FOXP1: variants seen among roughly 807,000 people sequenced by gnomAD.
FOXP1 encodes the protein forkhead box P1.
A neutral mutation model predicts 98.2 loss-of-function variants in FOXP1; 15 were observed. The ratio of observed to expected loss-of-function variants is 0.15; its 90% CI spans 0.10 to 0.24. The LOEUF (loss-of-function observed/expected upper bound fraction) is 0.24, where lower values mean the gene tolerates loss of function less well. Ranked by LOEUF, FOXP1 falls within the 10% of genes least tolerant of loss-of-function variation. The pLI, the probability that FOXP1 is intolerant of heterozygous loss-of-function variation, is 1.00. For missense variants in FOXP1, 633 were observed against 848.5 expected, an observed-to-expected ratio of 0.75 and a Z score of 3.15; for synonymous variants, 371 against 314.5, an observed-to-expected ratio of 1.18 and a Z score of -1.90.
intron 4 of FOXP1, among the ~76,000 whole-genome samples, chr3:71,338,560 T>A (rs2076824202): frequency 6.6e-6 from 1 of 152,164 alleles, no homozygotes; most frequent in Admixed American, 6.5e-5. Flanking sequence ...CCCAAGTAGC[T>A]GGGACTACAG....
intron 3 of FOXP1, among the ~76,000 whole-genome samples, chr3:71,371,904 C>T (rs899071702): frequency 3.9e-5 from 6 of 152,186 alleles, no homozygotes; most frequent in African/African-American, 1.4e-4. Context: ...TGACCCCACA[C>T]CACACTCGGC....
intron 5 of FOXP1, among the ~76,000 whole-genome samples, chr3:71,257,245 A>G (rs948783491): frequency 3.3e-5 from 5 of 152,146 alleles, no homozygotes; most frequent in Admixed American, 3.3e-4. Flanking sequence ...GAATATTCTT[A>G]CTAGTTCTTT....
At chr3:71,025,376 G>T (rs535907111) in intron 11 of FOXP1, among the ~76,000 whole-genome samples, 1 of 152,310 alleles carries the variant, frequency 6.6e-6, no homozygotes, top group African/African-American at 2.4e-5. Flanking sequence ...CCCCAGAGCT[G>T]CTGGGCCATG....
chr3:71,456,532 T>C (rs753978588), intron 3 of FOXP1, among the ~76,000 whole-genome samples: 9 of 152,150 alleles, frequency 5.9e-5, no homozygotes, highest in Non-Finnish European at 1.2e-4. Flanking sequence ...CTTCCTTTTC[T>C]CTCCTAGAGA....
At chr3:71,441,661 G>A (rs999914433) in intron 3 of FOXP1, among the ~76,000 whole-genome samples, 1 of 152,192 alleles carries the variant, frequency 6.6e-6, no homozygotes. Flanking sequence ...CAGTCCTAAA[G>A]ACCTCCAGGG....
At chr3:71,531,624 G>A (rs1437390360) in intron 2 of FOXP1, among the ~76,000 whole-genome samples, 1 of 151,740 alleles carries the variant, frequency 6.6e-6, no homozygotes, top group Non-Finnish European at 1.5e-5. Context: ...TCTTTTTTTT[G>A]TTTTGCTTCC....
chr3:71,389,772 G>A (rs2080896184), intron 3 of FOXP1, among the ~76,000 whole-genome samples: 3 of 151,652 alleles, frequency 2.0e-5, no homozygotes, highest in Non-Finnish European at 2.9e-5. Flanking sequence ...AATAATTGTG[G>A]ATTTTTAATT....
intron 9 of FOXP1, among the ~76,000 whole-genome samples, chr3:71,048,862 GT>G (rs2049418972): frequency 6.6e-6 from 1 of 152,038 alleles, no homozygotes; most frequent in Non-Finnish European, 1.5e-5. Flanking sequence ...TAAATGAAAT[GT>G]TTAAAAATTT....
chr3:71,317,630 T>C (rs2075153881), intron 4 of FOXP1, among the ~76,000 whole-genome samples: 1 of 152,166 alleles, frequency 6.6e-6, no homozygotes, highest in South Asian at 2.1e-4. Context: ...AAAACACAGA[T>C]GCTAGGCCCC....
In FOXP1 at chr3:71,578,075, GA is replaced by G. The variant is rs202194146; in HGVS notation, c.-298+3473del. Among the ~76,000 whole-genome samples, 200 of 147,796 alleles carry G rather than the reference GA, an allele frequency of 1.4e-3. 2 individuals are homozygous for G. The highest frequency in any genetic ancestry group is 4.1e-3 in the African/African-American group (166 of 40,300). ...AGAAAGGAAAAGCCCTTAGCAAAAA[GA>G]AAAAAAAAATTAAAAACAAAAATAC... is the stretch of plus-strand genomic sequence containing the variant. On this transcript the variant is annotated intron_variant, in intron 2 of 20. Coordinates refer to ENST00000649528, the MANE Select transcript of FOXP1 (RefSeq NM_001349338.3).
intron 3 of FOXP1, among the ~76,000 whole-genome samples, chr3:71,451,655 C>T (rs2086970950): frequency 6.6e-6 from 1 of 152,076 alleles, no homozygotes; most frequent in Admixed American, 6.6e-5. Context: ...TAGTCAAATG[C>T]TTCGATAGGC....
chr3:71,401,059 C>G (rs1009044811), intron 3 of FOXP1, among the ~76,000 whole-genome samples: 7 of 152,104 alleles, frequency 4.6e-5, no homozygotes, highest in African/African-American at 1.7e-4. Flanking sequence ...GTCTCCTCCA[C>G]CCCCACTCAA....
chr3:71,309,392 A>AT (rs539420592), intron 4 of FOXP1, among the ~76,000 whole-genome samples: 31,497 of 147,572 alleles, frequency 0.21, 3,413 homozygotes, highest in African/African-American at 0.24. Context: ...TTATAACGTA[A>AT]TTTTTTTTTT....
chr3:71,425,154 T>G (rs1465045262), intron 3 of FOXP1, among the ~76,000 whole-genome samples: 2 of 152,140 alleles, frequency 1.3e-5, no homozygotes, highest in African/African-American at 2.4e-5. Context: ...CTCACTGTGC[T>G]GCCCAGGCTG....
intron 14 of FOXP1, among the ~76,000 whole-genome samples, 155 bp from the exon 15 acceptor site, chr3:70,978,184 C>G (rs1383563703): frequency 6.6e-6 from 1 of 152,174 alleles, no homozygotes; most frequent in East Asian, 1.9e-4. Context: ...ACGGTGAGTC[C>G]TGCGTGAATT....
In FOXP1 at chr3:71,286,774, C is replaced by T. The variant is rs74513393; in HGVS notation, c.-12+13046G>A. On this transcript the variant is annotated intron_variant, in intron 5 of 20. Coordinates refer to ENST00000649528, the MANE Select transcript of FOXP1 (RefSeq NM_001349338.3). Reference sequence around the variant, plus strand: ...GTTGTCATCAAAGTTGATACAAACTCTACCTCATGCTATCACAGAAAACAC... The same window carrying T: ...GTTGTCATCAAAGTTGATACAAACTTTACCTCATGCTATCACAGAAAACAC... Among the ~76,000 whole-genome samples the T allele has an allele frequency of 1.0e-2, 1,519 of 152,276 alleles. 29 individuals are homozygous for T. The highest frequency in any genetic ancestry group is 0.034 in the African/African-American group (1,422 of 41,544).
Position 71,191,518 on chromosome 3 carries a change from T to C in FOXP1, c.180+6684A>G, listed in dbSNP as rs754929101. Among the ~76,000 whole-genome samples, 58 of 152,232 alleles carry C rather than the reference T, an allele frequency of 3.8e-4. 1 individual carries two copies. The highest frequency in any genetic ancestry group is 2.0e-4 in the Admixed American group (3 of 15,282). On this transcript the variant is annotated intron_variant, in intron 6 of 20. Coordinates refer to ENST00000649528, the MANE Select transcript of FOXP1 (RefSeq NM_001349338.3). ...CTCCTCTGTTACAGGTCTTTTTTCT[T>C]CTTTTGCTTCTTGTGCCATTTTAAT... is the stretch of plus-strand genomic sequence containing the variant.
intron 3 of FOXP1, among the ~76,000 whole-genome samples, chr3:71,371,350 G>A (rs904628680): frequency 6.6e-6 from 1 of 152,046 alleles, no homozygotes; most frequent in Non-Finnish European, 1.5e-5. Context: ...TCAACCTCAG[G>A]GAACCAGAAT....
At chr3:71,293,728 T>A (rs2073001745) in intron 5 of FOXP1, among the ~76,000 whole-genome samples, 1 of 152,214 alleles carries the variant, frequency 6.6e-6, no homozygotes, top group African/African-American at 2.4e-5. Context: ...AGCTCTTGTT[T>A]ACAGAGTAAC....
Sources: gnomAD v4.1 joint callset for allele counts (sites outside exome capture counted in the v4.1 genomes callset) on GRCh38, gnomAD v4.1.1 for gene constraint, MANE v1.5 for transcripts, NCBI Gene and HGNC (gene_info 2026-07-23, HGNC 2026-07-21) for gene names.